IKZF3: variants seen among roughly 807,000 people sequenced by gnomAD.
The protein encoded by IKZF3 is IKAROS family zinc finger 3.
A neutral mutation model predicts 49.0 loss-of-function variants in IKZF3; 10 were observed. The observed-to-expected ratio is 0.20, with a 90% CI of 0.13 to 0.35. IKZF3 has a LOEUF of 0.35. Among genes scored for constraint, IKZF3 ranks in the 10% least tolerant of loss-of-function variants. The pLI, the probability that IKZF3 is intolerant of heterozygous loss-of-function variation, is 1.00. For synonymous variants in IKZF3, 209 were observed against 228.2 expected, an observed-to-expected ratio of 0.92 and a Z score of 0.76; for missense variants, 498 against 664.8, an observed-to-expected ratio of 0.75 and a Z score of 2.76.
chr17:39,788,032 C>T (rs1191620449), intron 6 of IKZF3, among the ~76,000 whole-genome samples: 1 of 152,212 alleles, frequency 6.6e-6, no homozygotes, highest in African/African-American at 2.4e-5. Context: ...AATGTTACCT[C>T]GTTGAAGCCT....
Position 39,792,888 on chromosome 17 carries a change from T to G in IKZF3, c.209A>C (p.Asn70Thr). 1 of 1,614,042 alleles carries G rather than the reference T, an allele frequency of 6.2e-7. No individual in the cohort carries two copies. The highest frequency in any genetic ancestry group is 8.5e-7 in the Non-Finnish European group (1 of 1,179,928). Residue 70 changes from asparagine to threonine, a missense_variant, in exon 4 of 8, where the codon AAT (asparagine) becomes ACT (threonine). By Grantham distance (65) the Asn-to-Thr change is moderately conservative (BLOSUM62 0). This residue lies in a region of IKZF3 where 97 missense variants were observed against 98.9 expected (regional missense o/e 0.98). Transcript: ENST00000346872. ...VKDEYSERDE[N>T]VLKSEPMGNA... ...TCCCATGGGTTCTGACTTTAAAACA[T>G]TCTCATCTCTTTCACTGTATTCATC...
Position 39,771,732 on chromosome 17 carries a change from T to C in IKZF3, c.827-5239A>G, listed in dbSNP as rs142899349. Among the ~76,000 whole-genome samples, 902 of 152,042 alleles carry C rather than the reference T, an allele frequency of 5.9e-3. 12 individuals carry two copies. The highest frequency in any genetic ancestry group is 6.2e-3 in the Non-Finnish European group (424 of 67,968). On this transcript the variant is annotated intron_variant, in intron 7 of 7. Transcript: ENST00000346872. ...CAGGGGTGTGGGAATGTGGACAATG[T>C]GTGCTTCTTTTTATTTTTTATTTTT...
chr17:39,770,415 G>A (rs1277397035), intron 7 of IKZF3, among the ~76,000 whole-genome samples: 1 of 152,150 alleles, frequency 6.6e-6, no homozygotes, highest in Non-Finnish European at 1.5e-5. Flanking sequence ...TTCCCTACCT[G>A]TGGTTCTTTT....
intron 7 of IKZF3, among the ~76,000 whole-genome samples, chr17:39,767,747 T>C (rs533541887): frequency 6.6e-6 from 1 of 152,082 alleles, no homozygotes; most frequent in South Asian, 2.1e-4. Context: ...CCTATATATA[T>C]ATAGAACTCG....
At chr17:39,772,911 G>A (rs186264646) in intron 7 of IKZF3, among the ~76,000 whole-genome samples, 201 of 152,174 alleles carry the variant, frequency 1.3e-3, no homozygotes, top group African/African-American at 4.7e-3. Flanking sequence ...TGCTTCCTGG[G>A]TTCAAGTGAT....
intron 1 of IKZF3, among the ~76,000 whole-genome samples, chr17:39,862,720 C>G (rs1406945510): frequency 6.6e-6 from 1 of 152,124 alleles, no homozygotes; most frequent in Non-Finnish European, 1.5e-5. Context: ...TCTACATTCT[C>G]TTTCCATTTA....
At chr17:39,833,827 T>C (rs1318946107) in intron 1 of IKZF3, among the ~76,000 whole-genome samples, 4 of 152,108 alleles carry the variant, frequency 2.6e-5, no homozygotes, top group Non-Finnish European at 5.9e-5. Flanking sequence ...CCACACCCAA[T>C]TTCCCCTATT....
In IKZF3 at chr17:39,759,543, G is replaced by A. The variant is rs1266211609; in HGVS notation, c.*6247C>T. 6.6e-6 allele frequency: 1 copy of A among 152,214 alleles called. No individual in the cohort carries two copies. The highest frequency in any genetic ancestry group is 1.9e-4 in the East Asian group (1 of 5,202). The allele number at this position is 152,214 out of a possible 1,614,324, so 9.4% of individuals were successfully genotyped here. A position where few individuals can be genotyped will look rare whatever the true frequency, so the allele number is the denominator to read the frequency against. ...ACAGCTGGGGCAAGGGAGAGGCACA[G>A]TCTTGTGTTACTTTACAAGCTCTCA... On this transcript the variant is annotated 3_prime_UTR_variant, in exon 8 of 8. Coordinates refer to ENST00000346872, the MANE Select transcript of IKZF3 (RefSeq NM_012481.5).
At chr17:39,853,181 C>T (rs1375592851) in intron 1 of IKZF3, among the ~76,000 whole-genome samples, 3 of 152,100 alleles carry the variant, frequency 2.0e-5, no homozygotes, top group South Asian at 2.1e-4. Context: ...GTCTTCCTTA[C>T]CTTACCAAAT....
intron 3 of IKZF3, among the ~76,000 whole-genome samples, chr17:39,795,770 T>C (rs1021464994): frequency 6.6e-6 from 1 of 150,974 alleles, no homozygotes; most frequent in African/African-American, 2.4e-5. Context: ...AATAAATTGC[T>C]GGCTGGGCAT....
chr17:39,864,184 C>A lies in IKZF3; in HGVS notation c.-58G>T. On this transcript the variant is annotated 5_prime_UTR_variant, in exon 1 of 8. Coordinates refer to ENST00000346872, the MANE Select transcript of IKZF3 (RefSeq NM_012481.5). ...TGGCTACTCGGCCTCTCCACGTGCT[C>A]CTGCCGTCGCCTGGACTCAGCGCGC... 2 of 1,596,524 alleles carry A rather than the reference C, an allele frequency of 1.3e-6. No individual in the cohort carries two copies. The highest frequency in any genetic ancestry group is 1.7e-6 in the Non-Finnish European group (2 of 1,170,510).
chr17:39,814,441 G>A (rs2061633900), intron 3 of IKZF3, among the ~76,000 whole-genome samples: 1 of 152,178 alleles, frequency 6.6e-6, no homozygotes, highest in Admixed American at 6.5e-5. Context: ...TACAGAGCCA[G>A]GAGATGAAGG....
At chr17:39,812,630 C>T (rs1481059086) in intron 3 of IKZF3, among the ~76,000 whole-genome samples, 1 of 152,196 alleles carries the variant, frequency 6.6e-6, no homozygotes. Context: ...TATCAAATGG[C>T]ACCAAGGTAC....
rs568033489 is a variant in IKZF3 at position 39,792,632 on chromosome 17, TAGGA to T, written c.424+37_424+40del. 17 of 1,584,748 alleles carry T rather than the reference TAGGA, an allele frequency of 1.1e-5. No individual in the cohort carries two copies. In the South Asian group the frequency reaches 1.6e-4, roughly 15 times the overall value. ...CACTTCATTTCTCACGTGGCTGCAT[TAGGA>T]GAGTTTTCAGAAGAATGAAAAAAGC... On this transcript the variant is annotated intron_variant, in intron 4 of 7. Transcript: ENST00000346872.
chr17:39,818,406 C>G (rs2061726259), intron 3 of IKZF3, among the ~76,000 whole-genome samples: 1 of 152,112 alleles, frequency 6.6e-6, no homozygotes. Flanking sequence ...TAATTGTTGA[C>G]TCTCTCTCAA....
chr17:39,805,675 A>G (rs1360880837), intron 3 of IKZF3, among the ~76,000 whole-genome samples: 1 of 152,226 alleles, frequency 6.6e-6, no homozygotes, highest in African/African-American at 2.4e-5. Context: ...CAACATTAAA[A>G]GCACACAAGG....
intron 7 of IKZF3, among the ~76,000 whole-genome samples, chr17:39,774,162 G>C (rs1451626325): frequency 1.3e-5 from 2 of 152,140 alleles, no homozygotes; most frequent in African/African-American, 4.8e-5. Flanking sequence ...GGGCTGACCT[G>C]ATGGTCTATT....
chr17:39,824,726 C>T (rs35789812), intron 3 of IKZF3, among the ~76,000 whole-genome samples: 3,886 of 150,236 alleles, frequency 0.026, 177 homozygotes, highest in African/African-American at 0.091. Context: ...GACGGAGTCT[C>T]GCTTTGTCAC....
chr17:39,811,397 CGGAAGGAAGAAA>C (rs1440731506), intron 3 of IKZF3, among the ~76,000 whole-genome samples: 2 of 112,312 alleles, frequency 1.8e-5, no homozygotes, highest in East Asian at 2.4e-4. Context: ...GAAGAAAGGA[CGGAAGGAAGAAA>C]GGAAGGAAGA....
Sources: gnomAD v4.1 joint callset for allele counts (sites outside exome capture counted in the v4.1 genomes callset) on GRCh38, gnomAD v4.1.1 for gene constraint, gnomAD v4.1.1 regional missense constraint, MANE v1.5 for transcripts, NCBI Gene and HGNC (gene_info 2026-07-23, HGNC 2026-07-21) for gene names.